Variants in ZFPM2 observed in about 807,000 individuals in gnomAD.
ZFPM2 encodes the protein zinc finger protein ZFPM2.
A neutral mutation model predicts 98.6 loss-of-function variants in ZFPM2; 20 were observed. The ratio of observed to expected loss-of-function variants is 0.20; its 90% confidence interval spans 0.14 to 0.29. The LOEUF is 0.29. Ranked by LOEUF, ZFPM2 falls within the 10% of genes least tolerant of loss-of-function variation. ZFPM2 has a pLI of 1.00. For synonymous variants in ZFPM2, 518 were observed against 502.7 expected (o/e 1.03, Z -0.41); for missense variants, 1,310 against 1,388.6 (o/e 0.94, Z 0.90).
intron 5 of ZFPM2, among the ~76,000 whole-genome samples, chr8:105,715,135 C>T (rs1811488260): frequency 6.6e-6 from 1 of 151,988 alleles, no homozygotes; most frequent in African/African-American, 2.4e-5. Context: ...TACAAGGGCT[C>T]ATGCCAGTAA....
chr8:105,421,617 G>A (rs1374546297), intron 2 of ZFPM2, among the ~76,000 whole-genome samples: 5 of 152,128 alleles, frequency 3.3e-5, no homozygotes, highest in African/African-American at 4.8e-5. Flanking sequence ...CTTCACTTAA[G>A]TTGATGAGCT....
At chr8:105,464,587 A>G (rs1196305024) in intron 3 of ZFPM2, among the ~76,000 whole-genome samples, 3 of 152,040 alleles carry the variant, frequency 2.0e-5, no homozygotes. Flanking sequence ...AGACAAACTA[A>G]GTGTATGGAT....
chr8:105,376,214 G>A (rs187151357), intron 1 of ZFPM2, among the ~76,000 whole-genome samples: 2 of 152,086 alleles, frequency 1.3e-5, no homozygotes, highest in African/African-American at 2.4e-5. Context: ...CTTGAAGCAC[G>A]TTCTTCTCTT....
intron 4 of ZFPM2, among the ~76,000 whole-genome samples, chr8:105,616,423 A>C (rs1310889514): frequency 6.6e-6 from 1 of 152,136 alleles, no homozygotes; most frequent in Non-Finnish European, 1.5e-5. Flanking sequence ...TAAAAAGATT[A>C]GTCAAAGTAG....
chr8:105,383,911 T>G (rs1810935910), intron 1 of ZFPM2, among the ~76,000 whole-genome samples: 1 of 152,224 alleles, frequency 6.6e-6, no homozygotes, highest in Admixed American at 6.5e-5. Flanking sequence ...GTCTTCAGTC[T>G]TTCCATTTTT....
rs139855178 is a variant in ZFPM2 at position 105,494,936 on chromosome 8, T to C, written c.301+50555T>C. The stretch of plus-strand genomic sequence containing the variant: ...TTTTTATTGATGAAATTCAAAACTT[T>C]ATTTGTGGACATAGAAATTTGAATT... On this transcript the variant is annotated intron_variant, in intron 3 of 7. Transcript: ENST00000407775. Among the ~76,000 whole-genome samples the C allele has an allele frequency of 4.7e-3, 722 of 152,354 alleles. 3 individuals carry two copies. Among genetic ancestry groups the C allele is most frequent in the African/African-American group, 0.016 (673 of 41,584 alleles).
rs566412510 is a variant in ZFPM2 at position 105,621,045 on chromosome 8, G to A, written c.421-13201G>A. ...TTGGTTCCATATGAAATTTAAAGTA[G>A]TTTTCTTCCAATTCTGTGAAGACAG... On this transcript the variant is annotated intron_variant, in intron 4 of 7. Coordinates refer to ENST00000407775, the MANE Select transcript of ZFPM2 (RefSeq NM_012082.4). 2.4e-3 allele frequency among the ~76,000 whole-genome samples: 369 copies of A among 152,262 alleles called. 3 individuals carry two copies. Among genetic ancestry groups the A allele is most frequent in the Non-Finnish European group, 2.8e-3 (192 of 68,030 alleles).
intron 1 of ZFPM2, among the ~76,000 whole-genome samples, chr8:105,342,144 T>C (rs892084751): frequency 3.3e-5 from 5 of 152,152 alleles, no homozygotes; most frequent in South Asian, 4.1e-4. Context: ...TAATGCCTTA[T>C]TGCTCTCTTT....
intron 1 of ZFPM2, among the ~76,000 whole-genome samples, chr8:105,375,369 G>A (rs1276220740): frequency 6.6e-6 from 1 of 152,150 alleles, no homozygotes; most frequent in Non-Finnish European, 1.5e-5. Context: ...CAGTTGCCTG[G>A]AGCCTCTATC....
At chr8:105,447,075 A>G (rs543356538) in intron 3 of ZFPM2, among the ~76,000 whole-genome samples, 1 of 152,096 alleles carries the variant, frequency 6.6e-6, no homozygotes, top group Admixed American at 6.6e-5. Flanking sequence ...CAGTTTCCAA[A>G]TATATTGGAA....
In ZFPM2 at chr8:105,350,902, G is replaced by C. The variant is rs117403653; in HGVS notation, c.40+31921G>C. Among the ~76,000 whole-genome samples, 10 of 152,018 alleles carry C rather than the reference G, an allele frequency of 6.6e-5. No individual in the cohort carries two copies. The East Asian group carries it at 1.7e-3, about 27-fold the overall frequency. ...CAGATAGAAAATGACATAGTAATGG[G>C]CTGGGCGTGGTGGCTCACGCCTGTA... On this transcript the variant is annotated intron_variant, in intron 1 of 7. Transcript: ENST00000407775.
chr8:105,594,553 G>A (rs954103426), intron 4 of ZFPM2, among the ~76,000 whole-genome samples: 4 of 152,046 alleles, frequency 2.6e-5, no homozygotes, highest in African/African-American at 9.7e-5. Context: ...TGAGCTTAGT[G>A]TTTTGTTGCT....
chr8:105,435,041 T>C (rs765630032), intron 2 of ZFPM2, among the ~76,000 whole-genome samples: 7 of 152,232 alleles, frequency 4.6e-5, no homozygotes, highest in Non-Finnish European at 7.3e-5. Flanking sequence ...CCTAATAAGG[T>C]ATTTAAAGAT....
chr8:105,738,081 T>G (rs1812123155), intron 5 of ZFPM2, among the ~76,000 whole-genome samples: 2 of 151,960 alleles, frequency 1.3e-5, no homozygotes, highest in Non-Finnish European at 2.9e-5. Context: ...ACTAAACTTG[T>G]GTCATGGGGG....
chr8:105,429,537 C>T (rs1811978755), intron 2 of ZFPM2, among the ~76,000 whole-genome samples: 1 of 151,152 alleles, frequency 6.6e-6, no homozygotes, highest in South Asian at 2.1e-4. Context: ...TGGTAATGTG[C>T]ATCATTCTAA....
chr8:105,654,752 GC>G (rs1326417041), intron 5 of ZFPM2, among the ~76,000 whole-genome samples: 2 of 152,112 alleles, frequency 1.3e-5, no homozygotes, highest in East Asian at 3.9e-4. Context: ...AAGGAGAGAT[GC>G]CTGAACTTAT....
At chr8:105,427,685 C>T (rs567475991) in intron 2 of ZFPM2, among the ~76,000 whole-genome samples, 11 of 152,146 alleles carry the variant, frequency 7.2e-5, no homozygotes, top group South Asian at 2.1e-4. Flanking sequence ...AGCTGTGGTG[C>T]GATGAATTTA....
intron 5 of ZFPM2, among the ~76,000 whole-genome samples, chr8:105,664,360 T>C (rs188234447): frequency 0.014 from 2,034 of 144,538 alleles, 44 homozygotes; most frequent in Admixed American, 0.047. Flanking sequence ...TGTGTGTGTG[T>C]GACAGAGTTT....
chr8:105,684,637 T>A (rs1810690099), intron 5 of ZFPM2, among the ~76,000 whole-genome samples: 1 of 152,082 alleles, frequency 6.6e-6, no homozygotes, highest in Non-Finnish European at 1.5e-5. Flanking sequence ...TTCAGTATTG[T>A]TAAAATAATA....
Sources: gnomAD v4.1 joint callset for allele counts (sites outside exome capture counted in the v4.1 genomes callset) on GRCh38, gnomAD v4.1.1 for gene constraint, MANE v1.5 for transcripts, NCBI Gene and HGNC (gene_info 2026-07-23, HGNC 2026-07-21) for gene names.